Variants in GYPB observed in about 807,000 individuals in gnomAD.
The protein encoded by GYPB is glycophorin-B.
GYPB carries 13 observed loss-of-function variants against 15.3 expected under a neutral mutation model. The observed-to-expected ratio is 0.85, with a 90% CI of 0.55 to 1.35. GYPB has a LOEUF of 1.35. Ranked by LOEUF, GYPB falls within the 40% of genes most tolerant of loss-of-function variation. GYPB has a pLI of 0.00. For synonymous variants in GYPB, 38 were observed against 36.9 expected (o/e 1.03, Z -0.11); for missense variants, 131 against 108.3 (o/e 1.21, Z -0.93).
At chr4:144,001,139 A>C (rs780160849) in intron 2 of GYPB, 46 bp downstream of exon 2, 3 of 1,612,516 alleles carry the variant, frequency 1.9e-6, no homozygotes, top group Non-Finnish European at 2.5e-6. Flanking sequence ...TTGCATCACA[A>C]AAATCATTTC....
intron 1 of GYPB, among the ~76,000 whole-genome samples, chr4:144,014,978 C>T (rs536723958): frequency 6.6e-6 from 1 of 151,268 alleles, no homozygotes; most frequent in Non-Finnish European, 1.5e-5. Flanking sequence ...GAACTTTGTA[C>T]ACTACAAAGA....
chr4:143,999,521 A>C (rs913962321), intron 2 of GYPB, 72 bp from the exon 3 acceptor site: 5 of 814,650 alleles, frequency 6.1e-6, no homozygotes, highest in Admixed American at 2.1e-5. Context: ...TTTTGGAATC[A>C]AACTGTTCTG....
chr4:143,997,471 C>G, intron 4 of GYPB, 69 bp downstream of exon 4: 4 of 855,566 alleles, frequency 4.7e-6, no homozygotes, highest in Non-Finnish European at 8.0e-6. Flanking sequence ...TAACTGAACT[C>G]AGAGGAATAA....
downstream of GYPB, among the ~76,000 whole-genome samples, chr4:143,995,789 T>C (rs181478791): frequency 1.6e-3 from 249 of 151,494 alleles, no homozygotes; most frequent in Non-Finnish European, 2.6e-3. Flanking sequence ...TTGAATAGAA[T>C]TTGGTCCTTG....
chr4:143,999,773 A>G (rs1727524683), intron 2 of GYPB, among the ~76,000 whole-genome samples: 3 of 151,546 alleles, frequency 2.0e-5, no homozygotes, highest in Non-Finnish European at 4.4e-5. Flanking sequence ...CATTTTTAAA[A>G]CATGTAAAAA....
chr4:144,010,123 C>G (rs1319286796), intron 1 of GYPB, among the ~76,000 whole-genome samples: 1 of 151,048 alleles, frequency 6.6e-6, no homozygotes, highest in African/African-American at 2.5e-5. Flanking sequence ...CATTCCTCTA[C>G]TAATGGGCTA....
chr4:144,004,722 C>T (rs1727805795), intron 1 of GYPB, among the ~76,000 whole-genome samples: 2 of 151,886 alleles, frequency 1.3e-5, no homozygotes, highest in Non-Finnish European at 2.9e-5. Flanking sequence ...CTTAAAATCA[C>T]CAAGAATGTT....
chr4:144,001,346 T>C, intron 1 of GYPB, 63 bp from the exon 2 acceptor site: 2 of 1,612,000 alleles, frequency 1.2e-6, no homozygotes, highest in South Asian at 2.2e-5. Flanking sequence ...CCATAAAGCA[T>C]ATCACAAAAG....
At position 144,017,903 on chromosome 4, in the gene GYPB, T is replaced by A. The variant is rs12648656; in HGVS notation, c.37+1348A>T. Among the ~76,000 whole-genome samples the A allele has an allele frequency of 1.1e-4, 17 of 151,520 alleles. No individual in the cohort carries two copies. In the East Asian group the frequency reaches 3.3e-3, roughly 29 times the overall value. ...TTTTCATACTTTTCTGCTTAAAAAA[T>A]TAGAGTAGCTATGTTTGTTTTCTGT... On this transcript the variant is annotated intron_variant, in intron 1 of 4. Transcript: ENST00000502664.
intron 1 of GYPB, among the ~76,000 whole-genome samples, chr4:144,008,198 T>C (rs563009806): frequency 1.1e-4 from 17 of 151,656 alleles, no homozygotes; most frequent in Middle Eastern, 3.4e-3. Flanking sequence ...GGATTTTGAA[T>C]TCAGACCTAT....
chr4:144,006,708 T>C (rs1382655773), intron 1 of GYPB, among the ~76,000 whole-genome samples: 1 of 151,900 alleles, frequency 6.6e-6, no homozygotes, highest in African/African-American at 2.4e-5. Flanking sequence ...GGACACACCC[T>C]TCATATGAAA....
chr4:144,010,507 C>G (rs1728160333), intron 1 of GYPB, among the ~76,000 whole-genome samples: 1 of 151,264 alleles, frequency 6.6e-6, no homozygotes, highest in Non-Finnish European at 1.5e-5. Flanking sequence ...GAGAATATAT[C>G]AAAGTACATC....
Position 144,011,887 on chromosome 4 carries a change from C to G in GYPB, c.37+7364G>C, listed in dbSNP as rs572369033. Among the ~76,000 whole-genome samples, 42 of 151,344 alleles carry G rather than the reference C, an allele frequency of 2.8e-4. No homozygotes were observed. In the East Asian group the frequency reaches 8.1e-3, roughly 29 times the overall value. ...GGGGAGAACTTTTGTGGTCTTTTTC[C>G]TAGCAAAATGCAATTTCAGTGCCAT... On this transcript the variant is annotated intron_variant, in intron 1 of 4. Transcript: ENST00000502664.
chr4:144,010,843 C>T (rs1579064998), intron 1 of GYPB, among the ~76,000 whole-genome samples: 1 of 151,270 alleles, frequency 6.6e-6, no homozygotes, highest in South Asian at 2.1e-4. Context: ...AGAGAGAATG[C>T]TTTCAAAAAC....
In GYPB at chr4:143,999,414, G is replaced by A. The variant is rs377112032; in HGVS notation, c.172C>T (p.Pro58Ser). The change falls in exon 3 of 5, where the codon CCA becomes TCA. Residue 58 changes from proline to serine, a missense_variant. Pro to Ser is a moderately conservative substitution (Grantham distance 74). Coordinates refer to ENST00000502664, the MANE Select transcript of GYPB (RefSeq NM_002100.6). Reference sequence around the variant, plus strand: ...TCTTTGTCAAATATTAACATACCTGGTACAGTGAAACGATGGACAAGTTGT... The same window carrying A: ...TCTTTGTCAAATATTAACATACCTGATACAGTGAAACGATGGACAAGTTGT... ...TGQLVHRFTV[P>S]APVVIILIIL... 15 of 1,519,522 alleles carry A rather than the reference G, an allele frequency of 9.9e-6. 2 individuals are homozygous for A. The African/African-American group carries it at 2.0e-4, about 20-fold the overall frequency. The allele number at this position is 1,519,522 out of a possible 1,614,324, so 94.1% of individuals were successfully genotyped here.
At chr4:144,001,110 C>T in intron 2 of GYPB, 75 bp downstream of exon 2, 1 of 1,610,136 alleles carries the variant, frequency 6.2e-7, no homozygotes, top group Non-Finnish European at 8.5e-7. Context: ...TCTGCAGTGA[C>T]AGGTCCCCTA....
At chr4:144,001,423 T>C (rs1478637266) in intron 1 of GYPB, 140 bp from the exon 2 acceptor site, 3 of 1,469,620 alleles carry the variant, frequency 2.0e-6, no homozygotes, top group African/African-American at 1.5e-5. Context: ...ACATAATCTT[T>C]AGAGAATTGC....
rs538789858 is a variant in GYPB, at chr4:144,001,435, G to A, written c.38-152C>T. Among the ~76,000 whole-genome samples, 175 of 151,548 alleles carry A rather than the reference G, an allele frequency of 1.2e-3. 13 individuals carry two copies. Among genetic ancestry groups the A allele is most frequent in the African/African-American group, 4.1e-3 (166 of 40,852 alleles). ...CTTACATAATCTTTAGAGAATTGCT[G>A]CGTGGTAAGTATTGTATTATTGGCC... On this transcript the variant is annotated intron_variant, in intron 1 of 4. Coordinates refer to ENST00000502664, the MANE Select transcript of GYPB (RefSeq NM_002100.6).
chr4:144,017,412 A>G (rs1405695996), intron 1 of GYPB, among the ~76,000 whole-genome samples: 5 of 150,912 alleles, frequency 3.3e-5, no homozygotes, highest in East Asian at 1.9e-4. Flanking sequence ...AGTATGGGGG[A>G]AAAACTTGAT....
Sources: allele counts gnomAD v4.1 joint callset (sites outside exome capture counted in the v4.1 genomes callset), GRCh38; gene constraint gnomAD v4.1.1; transcripts MANE v1.5; gene names NCBI Gene and HGNC (gene_info 2026-07-23, HGNC 2026-07-21).